Variants in CHD6 observed in about 807,000 individuals in gnomAD.
CHD6 encodes the protein ATP-dependent chromatin remodeler CHD6.
Under a neutral mutation model 276.9 loss-of-function variants are expected in CHD6, and 50 were observed. The ratio of observed to expected loss-of-function variants is 0.18; its 90% confidence interval spans 0.14 to 0.23. CHD6 has a LOEUF of 0.23. Among genes scored for constraint, CHD6 ranks in the 10% least tolerant of loss-of-function variants. The pLI is 1.00. For missense variants in CHD6, 2,564 were observed against 3,365.8 expected, an observed-to-expected ratio of 0.76 and a Z score of 5.89; for synonymous variants, 1,173 against 1,229.3, an observed-to-expected ratio of 0.95 and a Z score of 0.96.
At chr20:41,414,119 G>T (rs1206845043) in intron 34 of CHD6, 1 of 152,186 alleles carries the variant, frequency 6.6e-6, no homozygotes, top group Non-Finnish European at 1.5e-5. Context: ...AAAGGTAAAA[G>T]ACTTCTTAAA....
Position 41,451,963 on chromosome 20 carries a change from T to G in CHD6, c.3386A>C (p.Asp1129Ala). The change falls in exon 22 of 37, where the codon GAC (aspartate) becomes GCC (alanine). Residue 1129 changes from aspartate (D) to alanine (A), a missense_variant. Physicochemically the swap from Asp to Ala is moderately radical, Grantham distance 126 (BLOSUM62 -2). Coordinates refer to ENST00000373233, the MANE Select transcript of CHD6 (RefSeq NM_032221.5). ...GRFKWHLNEKDMEMICRALLV... is the reference protein window; with the variant it reads ...GRFKWHLNEKAMEMICRALLV... ...GAGGGCACGGCAAATCATCTCCATG[T>G]CCTTCTCGTTCAGATGCCACTTGAA... is the stretch of plus-strand genomic sequence containing the variant. 6.2e-7 allele frequency: 1 copy of G among 1,614,064 alleles called. No individual in the cohort carries two copies. The highest frequency in any genetic ancestry group is 8.5e-7 in the Non-Finnish European group (1 of 1,179,964).
chr20:41,532,952 T>C, intron 3 of CHD6, 98 bp downstream of exon 3: 3 of 1,348,300 alleles, frequency 2.2e-6, no homozygotes, highest in East Asian at 2.4e-5. Flanking sequence ...CCCACAGGAG[T>C]GCAGCAGGGT....
At chr20:41,527,317 G>A (rs181429187) in intron 3 of CHD6, among the ~76,000 whole-genome samples, 13 of 152,146 alleles carry the variant, frequency 8.5e-5, no homozygotes, top group Admixed American at 4.6e-4. Flanking sequence ...CCAGCTACTC[G>A]GGAGGCTGAA....
intron 16 of CHD6, among the ~76,000 whole-genome samples, chr20:41,477,963 T>C (rs1039496689): frequency 1.3e-5 from 2 of 152,180 alleles, no homozygotes; most frequent in African/African-American, 4.8e-5. Flanking sequence ...GAATGTACCA[T>C]GCTGAAAAGG....
intron 1 of CHD6, among the ~76,000 whole-genome samples, chr20:41,602,721 CTT>C (rs34797570): frequency 6.6e-6 from 1 of 152,050 alleles, no homozygotes; most frequent in Non-Finnish European, 1.5e-5. Context: ...TTCAGTAAAA[CTT>C]TTTTTGGAGA....
At chr20:41,514,115 G>C (rs6072395) in intron 4 of CHD6, among the ~76,000 whole-genome samples, 57,330 of 152,084 alleles carry the variant, frequency 0.38, 13,435 homozygotes, top group African/African-American at 0.64. Flanking sequence ...TTTTCCTACA[G>C]GGAAGAGCAG....
chr20:41,540,590 T>G (rs2146107232), intron 2 of CHD6, among the ~76,000 whole-genome samples: 1 of 152,266 alleles, frequency 6.6e-6, no homozygotes, highest in South Asian at 2.1e-4. Context: ...TTGACTGAGG[T>G]GCAGGACAAA....
chr20:41,610,587 C>A (rs1568732906), intron 1 of CHD6, among the ~76,000 whole-genome samples: 1 of 151,976 alleles, frequency 6.6e-6, no homozygotes, highest in Non-Finnish European at 1.5e-5. Flanking sequence ...TGGTGAAACC[C>A]CGTCTCTACT....
chr20:41,406,116 C>T (rs569580740), intron 36 of CHD6, among the ~76,000 whole-genome samples: 1 of 152,288 alleles, frequency 6.6e-6, no homozygotes, highest in South Asian at 2.1e-4. Flanking sequence ...GCTAATGGCA[C>T]ATTACTTATT....
intron 36 of CHD6, 41 bp downstream of exon 36, chr20:41,412,103 T>C (rs1569043748): frequency 3.7e-6 from 6 of 1,609,986 alleles, no homozygotes; most frequent in Admixed American, 1.7e-5. Context: ...TCAACCAGGA[T>C]GCTCCTCCTG....
In CHD6 at chr20:41,439,963, G is replaced by A. The variant is rs774774026; in HGVS notation, c.4007+37C>T. The stretch of plus-strand genomic sequence containing the variant: ...GAAGGGGTCACAGATCAGTGGCATG[G>A]CATGTCACATGAGGGCTGGCCTACG... On this transcript the variant is annotated intron_variant, in intron 26 of 36. Transcript: ENST00000373233. 15 of 1,605,066 alleles carry A rather than the reference G, an allele frequency of 9.3e-6. No individual in the cohort carries two copies. In the African/African-American group the frequency reaches 1.1e-4, roughly 11 times the overall value.
intron 3 of CHD6, among the ~76,000 whole-genome samples, chr20:41,521,553 A>G (rs557838981): frequency 6.6e-6 from 1 of 150,652 alleles, no homozygotes; most frequent in Non-Finnish European, 1.5e-5. Flanking sequence ...TACACATATA[A>G]TATGTGTGTA....
In CHD6 at chr20:41,525,915, C is replaced by T. The variant is rs554559625; in HGVS notation, c.554+7135G>A. On this transcript the variant is annotated intron_variant, in intron 3 of 36. Coordinates refer to ENST00000373233, the MANE Select transcript of CHD6 (RefSeq NM_032221.5). ...TGTCAAGGTTGCTTCTTGTGAAAAG[C>T]ACCTCAAATTCATAAAAGTACCTCA... 2.0e-4 allele frequency among the ~76,000 whole-genome samples: 30 copies of T among 152,232 alleles called. 1 individual carries two copies. Among genetic ancestry groups the T allele is most frequent in the African/African-American group, 7.2e-4 (30 of 41,544 alleles).
At chr20:41,503,019 A>G (rs562085177) in intron 5 of CHD6, among the ~76,000 whole-genome samples, 48 of 152,282 alleles carry the variant, frequency 3.2e-4, no homozygotes, top group African/African-American at 1.1e-3. Flanking sequence ...ACAAAACAAA[A>G]CAAAGCAAAG....
chr20:41,574,686 A>C (rs2045454500), intron 1 of CHD6, among the ~76,000 whole-genome samples: 1 of 152,254 alleles, frequency 6.6e-6, no homozygotes, highest in Non-Finnish European at 1.5e-5. Context: ...AACTGGAAAG[A>C]AAAACACAAA....
intron 8 of CHD6, 22 bp downstream of exon 8, chr20:41,497,362 G>A: frequency 7.1e-7 from 1 of 1,413,446 alleles, no homozygotes; most frequent in African/African-American, 1.4e-5. Flanking sequence ...GCAGTCAAAT[G>A]AGTCAGTAAA....
intron 22 of CHD6, 46 bp downstream of exon 22, chr20:41,451,780 G>A: frequency 6.5e-7 from 1 of 1,536,062 alleles, no homozygotes; most frequent in Non-Finnish European, 9.0e-7. Flanking sequence ...AGGGGATGAA[G>A]TGCATGGGAA....
At chr20:41,490,325 A>G (rs760584554) in intron 11 of CHD6, among the ~76,000 whole-genome samples, 2 of 152,132 alleles carry the variant, frequency 1.3e-5, no homozygotes, top group African/African-American at 2.4e-5. Context: ...TACCTACTAA[A>G]CCTAGATGGT....
intron 1 of CHD6, among the ~76,000 whole-genome samples, chr20:41,586,543 A>G (rs1283262904): frequency 6.6e-6 from 1 of 152,226 alleles, no homozygotes; most frequent in Non-Finnish European, 1.5e-5. Context: ...ACCCCAGGTC[A>G]GAGAACAAAA....
Sources: allele counts gnomAD v4.1 joint callset (sites outside exome capture counted in the v4.1 genomes callset), GRCh38; gene constraint gnomAD v4.1.1; transcripts MANE v1.5; gene names NCBI Gene and HGNC (gene_info 2026-07-23, HGNC 2026-07-21).